The following MTTP variants were observed in gnomAD, a reference collection of about 807,000 sequenced individuals.
The protein encoded by MTTP is microsomal triglyceride transfer protein large subunit.
A neutral mutation model predicts 90.6 loss-of-function variants in MTTP; 49 were observed. The ratio of observed to expected loss-of-function variants is 0.54; its 90% CI spans 0.43 to 0.69. The LOEUF is 0.69. MTTP is among the 30% of genes least tolerant of loss of function. The pLI is 0.00. For missense variants in MTTP, 945 were observed against 1,067.5 expected, an observed-to-expected ratio of 0.89 and a Z score of 1.60; for synonymous variants, 347 against 384.2, an observed-to-expected ratio of 0.90 and a Z score of 1.13.
chr4:99,573,934 G>A (rs532335585), upstream of MTTP, among the ~76,000 whole-genome samples: 1 of 152,238 alleles, frequency 6.6e-6, no homozygotes, highest in African/African-American at 2.4e-5. Context: ...AGTAGGTTTT[G>A]TTCATATCAG....
chr4:99,618,929 T>C, intron 15 of MTTP, 45 bp from the exon 16 acceptor site: 3 of 1,600,520 alleles, frequency 1.9e-6, no homozygotes, highest in Non-Finnish European at 2.6e-6. Flanking sequence ...TTAACTAAAT[T>C]GTACTTATTA....
chr4:99,566,976 C>T (rs773564004), intron 1 of MTTP, among the ~76,000 whole-genome samples: 30 of 152,288 alleles, frequency 2.0e-4, no homozygotes, highest in South Asian at 6.2e-4. Context: ...AATAGAGTAA[C>T]ACTTGTGAGT....
chr4:99,574,162 T>A (rs959259512), upstream of MTTP, among the ~76,000 whole-genome samples: 6 of 152,216 alleles, frequency 3.9e-5, no homozygotes, highest in African/African-American at 1.4e-4. Context: ...GACAAATGTG[T>A]GTTGTCACAG....
rs778773727 is a variant in MTTP at position 99,591,718 on chromosome 4, C to G, written c.686C>G (p.Ala229Gly). ...AAGATAGAAGACAGCTTTGTTATAG[C>G]TGTGCTTGCTGAAGAAACACACAAT... ...TYKIEDSFVI[A>G]VLAEETHNFG... The change falls in exon 6 of 18, where the codon GCT becomes GGT. Residue 229 changes from alanine (A) to glycine (G), a missense_variant. Transcript: ENST00000265517. The G allele has an allele frequency of 2.3e-5, 37 of 1,612,676 alleles. No homozygotes were observed. In the Middle Eastern group the frequency reaches 2.5e-3, roughly 108 times the overall value.
chr4:99,600,893 T>C (rs1578246942), intron 9 of MTTP, among the ~76,000 whole-genome samples, 160 bp downstream of exon 9: 2 of 152,176 alleles, frequency 1.3e-5, no homozygotes, highest in African/African-American at 4.8e-5. Context: ...AATTATTAAC[T>C]GTATAATAAA....
intron 2 of MTTP, among the ~76,000 whole-genome samples, chr4:99,582,492 G>T (rs1480304615): frequency 6.6e-6 from 1 of 152,132 alleles, no homozygotes; most frequent in Non-Finnish European, 1.5e-5. Flanking sequence ...TGATACAACA[G>T]GTGGAATTAC....
At chr4:99,621,481 A>T (rs887637582) in intron 17 of MTTP, among the ~76,000 whole-genome samples, 1 of 152,196 alleles carries the variant, frequency 6.6e-6, no homozygotes, top group Non-Finnish European at 1.5e-5. Context: ...ATCCAGAAAC[A>T]ATTTATCCAG....
intron 3 of MTTP, among the ~76,000 whole-genome samples, chr4:99,584,385 A>T (rs1725205145): frequency 6.6e-6 from 1 of 152,156 alleles, no homozygotes; most frequent in African/African-American, 2.4e-5. Context: ...CAAAATAAAG[A>T]AAAACTGATC....
chr4:99,599,487 A>G (rs1321272367), intron 8 of MTTP, among the ~76,000 whole-genome samples: 1 of 152,194 alleles, frequency 6.6e-6, no homozygotes, highest in Non-Finnish European at 1.5e-5. Context: ...GTACAGGGGA[A>G]TATTAATATT....
In MTTP at chr4:99,619,071, G is replaced by C; in HGVS notation, c.2315G>C (p.Arg772Pro). ...SGAMEFSLWY[R>P]ESKTRVKNRV... The stretch of plus-strand genomic sequence containing the variant: ...GCAATGGAGTTTAGCTTGTGGTATC[G>C]TGAGTCTAAAACCCGAGTGAAAAAT... The change falls in exon 16 of 18, where the codon CGT becomes CCT. Residue 772 changes from arginine (R) to proline (P), a missense_variant. By Grantham distance (103) the Arg-to-Pro change is moderately radical (BLOSUM62 -2). Transcript: ENST00000265517. 1.2e-6 allele frequency: 2 copies of C among 1,613,536 alleles called. No individual in the cohort carries two copies. Among genetic ancestry groups the C allele is most frequent in the Non-Finnish European group, 1.7e-6 (2 of 1,179,592 alleles).
intron 15 of MTTP, among the ~76,000 whole-genome samples, 180 bp from the exon 16 acceptor site, chr4:99,618,794 G>C (rs188858063): frequency 6.6e-6 from 1 of 152,284 alleles, no homozygotes; most frequent in East Asian, 1.9e-4. Flanking sequence ...CAAATCAACA[G>C]AGTCTACTTC....
At chr4:99,566,841 G>A (rs1418083033) in intron 1 of MTTP, among the ~76,000 whole-genome samples, 1 of 152,120 alleles carries the variant, frequency 6.6e-6, no homozygotes, top group Non-Finnish European at 1.5e-5. Context: ...TAATAACTAT[G>A]ATTATGAACC....
intron 6 of MTTP, among the ~76,000 whole-genome samples, chr4:99,592,388 C>T (rs1022160878): frequency 1.3e-5 from 2 of 152,052 alleles, no homozygotes; most frequent in Admixed American, 6.5e-5. Context: ...AATATTTTTA[C>T]GTTAAAAACT....
chr4:99,620,647 G>C (rs1008827380), intron 16 of MTTP, among the ~76,000 whole-genome samples: 1 of 152,218 alleles, frequency 6.6e-6, no homozygotes, highest in African/African-American at 2.4e-5. Context: ...CAGAGAGATA[G>C]TTAACAAAAA....
At position 99,574,948 on chromosome 4, in the gene MTTP, C is replaced by G. The variant is rs7667001; in HGVS notation, c.39C>G (p.Ser13=). 73,258 of 1,613,968 alleles carry G rather than the reference C, an allele frequency of 0.045. 2,419 individuals are homozygous for G. The highest frequency in any genetic ancestry group is 0.16 in the African/African-American group (12,276 of 74,968). The part of the protein sequence containing the change: ...LLAVLFLCFI[S]SYSASVKGHT... ...CTGTGCTTTTTCTCTGCTTCATTTC[C>G]TCATATTCAGCTTCTGTTAAAGGTA... is the stretch of plus-strand genomic sequence containing the variant. Residue 13 remains serine (S), a synonymous_variant, in exon 1 of 18, where the codon TCC becomes TCG. Transcript: ENST00000265517.
intron 15 of MTTP, among the ~76,000 whole-genome samples, chr4:99,616,236 A>G (rs923157244): frequency 3.9e-5 from 6 of 152,146 alleles, no homozygotes. Flanking sequence ...TCTACAAAAA[A>G]TAAAAAAATT....
At chr4:99,612,587 T>C (rs1378639941) in intron 14 of MTTP, among the ~76,000 whole-genome samples, 1 of 152,276 alleles carries the variant, frequency 6.6e-6, no homozygotes, top group East Asian at 1.9e-4. Context: ...AGAAAGCTCA[T>C]GGTTTTCATA....
At chr4:99,583,234 C>A (rs1725170401) in intron 2 of MTTP, 140 bp from the exon 3 acceptor site, 6 of 969,978 alleles carry the variant, frequency 6.2e-6, no homozygotes, top group East Asian at 2.5e-5. Context: ...GTGGCAAGGT[C>A]CTATAAATCA....
At chr4:99,607,625 A>G (rs1271609814) in intron 11 of MTTP, among the ~76,000 whole-genome samples, 2 of 152,260 alleles carry the variant, frequency 1.3e-5, no homozygotes, top group Non-Finnish European at 2.9e-5. Flanking sequence ...ATGAAATTAA[A>G]GAAATATTTA....
Sources: gnomAD v4.1 joint callset for allele counts (sites outside exome capture counted in the v4.1 genomes callset) on GRCh38, gnomAD v4.1.1 for gene constraint, MANE v1.5 for transcripts, NCBI Gene and HGNC (gene_info 2026-07-23, HGNC 2026-07-21) for gene names.